Variants in ADARB1 observed in about 807,000 individuals in gnomAD.
ADARB1 encodes adenosine deaminase RNA specific B1.
Under a neutral mutation model 52.4 loss-of-function variants are expected in ADARB1, and 10 were observed. The ratio of observed to expected loss-of-function variants is 0.19; its 90% confidence interval spans 0.12 to 0.32. The LOEUF (loss-of-function observed/expected upper bound fraction) is 0.32. Among genes scored for constraint, ADARB1 ranks in the 10% least tolerant of loss-of-function variants. The pLI, the probability that ADARB1 is intolerant of heterozygous loss-of-function variation, is 1.00. For synonymous variants in ADARB1, 349 were observed against 371.1 expected, an observed-to-expected ratio of 0.94 and a Z score of 0.68; for missense variants, 643 against 922.3, an observed-to-expected ratio of 0.70 and a Z score of 3.92.
chr21:45,093,942 G>A (rs1427907361), intron 1 of ADARB1, among the ~76,000 whole-genome samples: 1 of 152,182 alleles, frequency 6.6e-6, no homozygotes, highest in East Asian at 1.9e-4. Flanking sequence ...TCGCTTTTTA[G>A]CACTTCGTTT....
At position 45,204,053 on chromosome 21, in the gene ADARB1, C is replaced by T. The variant is rs2092617220; in HGVS notation, c.1566-502C>T. Among the ~76,000 whole-genome samples, 1 of 152,202 alleles carries T rather than the reference C, an allele frequency of 6.6e-6. No individual in the cohort carries two copies. Among genetic ancestry groups the T allele is most frequent in the African/African-American group, 2.4e-5 (1 of 41,450 alleles). ...ACCAAGGCGACTGCTAATGGGCCAG[C>T]GGCATCTGCAACGTGGATGGTTCAC... On this transcript the variant is annotated intron_variant, in intron 8 of 10. Coordinates refer to ENST00000348831, the MANE Select transcript of ADARB1 (RefSeq NM_001112.4). The surrounding 1 kb of genome is among the most constrained non-coding windows in gnomAD (Gnocchi z 4.4).
intron 1 of ADARB1, among the ~76,000 whole-genome samples, chr21:45,097,347 C>T (rs1031444311): frequency 2.0e-5 from 3 of 152,126 alleles, no homozygotes; most frequent in African/African-American, 7.2e-5. Context: ...GATTGGTGCT[C>T]ACTCCCAATT....
At chr21:45,217,965 G>A (rs2146442415) in intron 9 of ADARB1, among the ~76,000 whole-genome samples, 1 of 152,040 alleles carries the variant, frequency 6.6e-6, no homozygotes, top group South Asian at 2.1e-4. Context: ...TTTTGCTCTG[G>A]GTTTGCTTAA....
chr21:45,168,531 A>T (rs377244), intron 2 of ADARB1, among the ~76,000 whole-genome samples: 147,447 of 152,328 alleles, frequency 0.97, 71,390 homozygotes, highest in East Asian at 1. Flanking sequence ...TTTTTTTGGA[A>T]CTCTAGTTGC....
chr21:45,187,754 T>C (rs1212865889), intron 8 of ADARB1, among the ~76,000 whole-genome samples: 2 of 152,268 alleles, frequency 1.3e-5, no homozygotes, highest in African/African-American at 4.8e-5. Context: ...AGATGCTTTT[T>C]CTGCATCAAT....
In ADARB1 at chr21:45,204,808, A is replaced by C. The variant is rs544628519; in HGVS notation, c.1747+72A>C. The C allele has an allele frequency of 1.5e-5, 22 of 1,499,488 alleles. No homozygotes were observed. The highest frequency in any genetic ancestry group is 1.9e-5 in the Non-Finnish European group (21 of 1,096,772). 92.9% of individuals were successfully genotyped at this position (1,499,488 alleles called of 1,614,324 possible). A position where few individuals can be genotyped will look rare whatever the true frequency, so the allele number is the denominator to read the frequency against. ...CAATGTTTTCATCCTCATGAATGAAAAAAACACCACCTGAGCTGCTCTGTG... is the reference window on the plus strand; with the variant it reads ...CAATGTTTTCATCCTCATGAATGAACAAAACACCACCTGAGCTGCTCTGTG... On this transcript the variant is annotated intron_variant, in intron 9 of 10. Coordinates refer to ENST00000348831, the MANE Select transcript of ADARB1 (RefSeq NM_001112.4). This position sits in a 1 kb window ranked among gnomAD's most constrained non-coding sequence, Gnocchi z 4.4.
intron 2 of ADARB1, among the ~76,000 whole-genome samples, chr21:45,169,833 GTCT>G (rs1348151115): frequency 1.3e-5 from 2 of 152,248 alleles, no homozygotes; most frequent in South Asian, 4.2e-4. Flanking sequence ...CTGTTTTCCC[GTCT>G]TCGTGATATG....
In ADARB1 at chr21:45,074,619, C is replaced by T; in HGVS notation, c.-394C>T. The T allele has an allele frequency of 6.7e-6, 1 of 149,006 alleles. No individual in the cohort carries two copies. Among genetic ancestry groups the T allele is most frequent in the Non-Finnish European group, 1.5e-5 (1 of 68,250 alleles). The allele number at this position is 149,006 out of a possible 1,614,324, so 9.2% of individuals were successfully genotyped here. A position where few individuals can be genotyped will look rare whatever the true frequency, so the allele number is the denominator to read the frequency against. ...GCCGTGGCGGCGGCGGCGGCGGCGG[C>T]GGCAGCGGCGGCCAAGCGGCCAGGT... is the stretch of plus-strand genomic sequence containing the variant. On this transcript the variant is annotated 5_prime_UTR_variant, in exon 1 of 11. Transcript: ENST00000348831.
chr21:45,175,483 C>G (rs1010569706), intron 3 of ADARB1, among the ~76,000 whole-genome samples: 6 of 152,070 alleles, frequency 3.9e-5, no homozygotes, highest in African/African-American at 1.4e-4. Context: ...CTTTTTAAAG[C>G]AAAAGCAGTT....
chr21:45,186,309 A>G (rs2092103860), intron 8 of ADARB1, among the ~76,000 whole-genome samples: 1 of 152,158 alleles, frequency 6.6e-6, no homozygotes, highest in Non-Finnish European at 1.5e-5. Flanking sequence ...CTTCATAGTC[A>G]TGGGCCATTT....
At chr21:45,092,089 C>T (rs755378965) in intron 1 of ADARB1, among the ~76,000 whole-genome samples, 7 of 152,118 alleles carry the variant, frequency 4.6e-5, no homozygotes, top group Non-Finnish European at 8.8e-5. Context: ...GTGACAGGCA[C>T]AGTGGGACTG....
At chr21:45,115,004 C>T (rs375687631) in intron 1 of ADARB1, among the ~76,000 whole-genome samples, 162 of 152,312 alleles carry the variant, frequency 1.1e-3, no homozygotes, top group African/African-American at 3.6e-3. Flanking sequence ...GAAACAACAG[C>T]AAAGTGGCAT....
intron 1 of ADARB1, among the ~76,000 whole-genome samples, chr21:45,105,493 G>T (rs773531577): frequency 2.0e-5 from 3 of 152,210 alleles, no homozygotes; most frequent in Non-Finnish European, 4.4e-5. Context: ...AGAGGTGGAA[G>T]GCTGGTTTCT....
intron 8 of ADARB1, among the ~76,000 whole-genome samples, chr21:45,190,310 T>TTGTTG (rs1472246002): frequency 6.6e-6 from 1 of 152,222 alleles, no homozygotes; most frequent in Non-Finnish European, 1.5e-5. Flanking sequence ...TAATATCTCT[T>TTGTTG]TGTTGATATG....
chr21:45,185,397 C>T (rs1317585665), intron 8 of ADARB1, among the ~76,000 whole-genome samples: 1 of 152,232 alleles, frequency 6.6e-6, no homozygotes, highest in African/African-American at 2.4e-5. Context: ...GGCTACAGGC[C>T]ATGACATCTT....
chr21:45,088,346 G>T (rs986491211), intron 1 of ADARB1, among the ~76,000 whole-genome samples: 1 of 152,206 alleles, frequency 6.6e-6, no homozygotes, highest in African/African-American at 2.4e-5. Context: ...AATGGATGGG[G>T]TGTGTCAGAG....
intron 1 of ADARB1, chr21:45,118,442 C>T (rs1053776214): frequency 7.9e-5 from 12 of 152,214 alleles, no homozygotes; most frequent in African/African-American, 1.9e-4. Context: ...GGTTTTTGCA[C>T]GTAATGTTCA....
chr21:45,156,670 C>T (rs939560254), intron 2 of ADARB1, among the ~76,000 whole-genome samples: 3 of 151,678 alleles, frequency 2.0e-5, no homozygotes, highest in African/African-American at 4.8e-5. Context: ...CATCCACCCC[C>T]CCACGCACCC....
intron 2 of ADARB1, among the ~76,000 whole-genome samples, chr21:45,166,370 C>T (rs959243861): frequency 3.9e-5 from 6 of 152,170 alleles, no homozygotes; most frequent in East Asian, 1.9e-4. Context: ...GGTGAGGGAA[C>T]GGCCTTGTTT....
Sources: gnomAD v4.1 joint callset for allele counts (sites outside exome capture counted in the v4.1 genomes callset) on GRCh38, gnomAD v4.1.1 for gene constraint, Gnocchi (gnomAD v3.1) non-coding constraint, MANE v1.5 for transcripts, NCBI Gene and HGNC (gene_info 2026-07-23, HGNC 2026-07-21) for gene names.